The following TRPM3 variants were observed in gnomAD, a reference collection of about 807,000 sequenced individuals.
TRPM3 encodes long transient receptor potential channel 3.
A neutral mutation model predicts 181.2 loss-of-function variants in TRPM3; 77 were observed. The ratio of observed to expected loss-of-function variants is 0.42; its 90% CI spans 0.35 to 0.51. The LOEUF (loss-of-function observed/expected upper bound fraction) is 0.51. Among genes scored for constraint, TRPM3 ranks in the 20% least tolerant of loss-of-function variants. The probability of loss-of-function intolerance (pLI) is 0.01; values close to 1 mark genes in which losing one functional copy is unlikely to be tolerated. For synonymous variants in TRPM3, 745 were observed against 796.4 expected (o/e 0.94, Z 1.09); for missense variants, 1,759 against 2,196.7 (o/e 0.80, Z 3.98).
chr9:70,638,318 C>T (rs1338523128), intron 11 of TRPM3, among the ~76,000 whole-genome samples: 1 of 152,158 alleles, frequency 6.6e-6, no homozygotes, highest in Non-Finnish European at 1.5e-5. Flanking sequence ...TTATAAATTA[C>T]TGAGTCTAAG....
At chr9:70,968,650 A>G (rs1438042046) in intron 1 of TRPM3, among the ~76,000 whole-genome samples, 1 of 152,208 alleles carries the variant, frequency 6.6e-6, no homozygotes, top group Non-Finnish European at 1.5e-5. Context: ...GAAAAGGAGA[A>G]GAAAATGAAC....
rs1347970749 is a variant in TRPM3, at chr9:71,397,157, T to C, written c.183+49496A>G. Among the ~76,000 whole-genome samples the C allele has an allele frequency of 2.0e-5, 3 of 152,280 alleles. No homozygotes were observed. The East Asian group carries it at 5.8e-4, about 29-fold the overall frequency. ...TGGTAATCAGAATAAAACCATGGTT[T>C]TCCAATAATAAAATATATTTCCATT... On this transcript the variant is annotated intron_variant, in intron 1 of 24. Transcript: ENST00000357533.
intron 1 of TRPM3, among the ~76,000 whole-genome samples, chr9:70,867,688 T>C (rs1317127699): frequency 6.6e-6 from 1 of 152,184 alleles, no homozygotes; most frequent in South Asian, 2.1e-4. Flanking sequence ...TAAGACACAA[T>C]AGAAAGAATG....
intron 22 of TRPM3, among the ~76,000 whole-genome samples, chr9:70,567,837 C>G (rs1207216084): frequency 6.6e-6 from 1 of 152,288 alleles, no homozygotes; most frequent in East Asian, 1.9e-4. Flanking sequence ...TTCTGTCTTC[C>G]TTTCTCTACA....
intron 1 of TRPM3, among the ~76,000 whole-genome samples, chr9:71,425,889 T>C (rs571551184): frequency 4.6e-5 from 7 of 152,120 alleles, no homozygotes; most frequent in Non-Finnish European, 8.8e-5. Context: ...ACATGCCAAG[T>C]TCTTTACTGT....
chr9:70,597,926 T>G (rs961172842), intron 21 of TRPM3, among the ~76,000 whole-genome samples: 2 of 148,908 alleles, frequency 1.3e-5, no homozygotes, highest in African/African-American at 4.9e-5. Flanking sequence ...AAATACAGGA[T>G]CTTCAAAAAA....
At chr9:71,341,640 T>C (rs1027081050) in intron 1 of TRPM3, among the ~76,000 whole-genome samples, 4 of 150,322 alleles carry the variant, frequency 2.7e-5, no homozygotes, top group South Asian at 2.1e-4. Flanking sequence ...GAATCCTAGA[T>C]TGGATCCTGG....
At chr9:71,059,977 A>G (rs1007111330) in intron 1 of TRPM3, among the ~76,000 whole-genome samples, 13 of 152,058 alleles carry the variant, frequency 8.5e-5, no homozygotes, top group African/African-American at 3.1e-4. Context: ...GATGTTGCAG[A>G]TATTTACTCT....
chr9:70,781,423 C>T (rs1033791843), intron 7 of TRPM3, among the ~76,000 whole-genome samples: 1 of 151,522 alleles, frequency 6.6e-6, no homozygotes, highest in Non-Finnish European at 1.5e-5. Context: ...GGAAAGAATC[C>T]CCATGACACG....
chr9:70,907,941 T>C (rs1181999404), intron 1 of TRPM3, among the ~76,000 whole-genome samples: 1 of 152,222 alleles, frequency 6.6e-6, no homozygotes, highest in East Asian at 1.9e-4. Flanking sequence ...ACAGATTCTT[T>C]ATCCAATCCA....
intron 21 of TRPM3, among the ~76,000 whole-genome samples, chr9:70,595,838 AT>A (rs919888749): frequency 5.9e-5 from 9 of 152,064 alleles, no homozygotes; most frequent in Non-Finnish European, 8.8e-5. Flanking sequence ...TAAGATACAC[AT>A]TTTTTTCCTA....
chr9:70,899,460 C>T (rs1019136846), intron 1 of TRPM3, among the ~76,000 whole-genome samples: 1 of 152,150 alleles, frequency 6.6e-6, no homozygotes, highest in Non-Finnish European at 1.5e-5. Context: ...TCCTTCACAT[C>T]TTACACTTGA....
intron 10 of TRPM3, 39 bp from the exon 11 acceptor site, chr9:70,639,233 TA>T: frequency 6.2e-7 from 1 of 1,607,332 alleles, no homozygotes; most frequent in South Asian, 1.1e-5. Context: ...CCCCAGGGTC[TA>T]TCTATGGATG....
At chr9:71,138,160 AG>A (rs2074882883) in intron 1 of TRPM3, among the ~76,000 whole-genome samples, 1 of 152,112 alleles carries the variant, frequency 6.6e-6, no homozygotes, top group Admixed American at 6.6e-5. Context: ...CTTGGGGGAG[AG>A]GAAGTATTAG....
chr9:71,170,353 G>A (rs1587762183), intron 1 of TRPM3, among the ~76,000 whole-genome samples: 1 of 152,152 alleles, frequency 6.6e-6, no homozygotes, highest in Admixed American at 6.6e-5. Context: ...AGAACGTCTG[G>A]ACTGCTAATC....
intron 11 of TRPM3, 60 bp downstream of exon 11, chr9:70,639,000 A>G: frequency 2.5e-6 from 4 of 1,572,350 alleles, no homozygotes; most frequent in Non-Finnish European, 3.5e-6. Context: ...TATGGGGGGC[A>G]GGAGAAGGTA....
chr9:70,621,350 A>G, intron 14 of TRPM3, 77 bp from the exon 15 acceptor site: 1 of 1,146,740 alleles, frequency 8.7e-7, no homozygotes, highest in Non-Finnish European at 1.2e-6. Context: ...GTCCTATTAT[A>G]TATTTTTTGT....
At chr9:70,749,757 T>C (rs2075804638) in intron 8 of TRPM3, among the ~76,000 whole-genome samples, 2 of 152,218 alleles carry the variant, frequency 1.3e-5, no homozygotes. Context: ...TATAAAGTTA[T>C]TCGTGCTTTA....
Position 70,772,634 on chromosome 9 carries a change from G to A in TRPM3, c.1149-10910C>T, listed in dbSNP as rs545833429. On this transcript the variant is annotated intron_variant, in intron 7 of 25. Coordinates refer to ENST00000677713, the MANE Select transcript of TRPM3 (RefSeq NM_001366145.2). ...CACCACACCCAGCCATATCATCAGA[G>A]AATTCTGTTGGGCAGTGCTGCTCTG... is the stretch of plus-strand genomic sequence containing the variant. Among the ~76,000 whole-genome samples, 28 of 152,298 alleles carry A rather than the reference G, an allele frequency of 1.8e-4. 1 individual carries two copies. The highest frequency in any genetic ancestry group is 1.0e-3 in the South Asian group (5 of 4,828).
Sources: allele counts gnomAD v4.1 joint callset (sites outside exome capture counted in the v4.1 genomes callset), GRCh38; gene constraint gnomAD v4.1.1; transcripts MANE v1.5; gene names NCBI Gene and HGNC (gene_info 2026-07-23, HGNC 2026-07-21).